ZSCAN5A: variants seen among roughly 807,000 people sequenced by gnomAD.
The protein encoded by ZSCAN5A is zinc finger and SCAN domain-containing protein 5A.
In ZSCAN5A, 12 loss-of-function variants were observed where a neutral mutation model predicts 23.7. The ratio of observed to expected loss-of-function variants is 0.51; its 90% CI spans 0.32 to 0.82. The LOEUF (loss-of-function observed/expected upper bound fraction) is 0.82, where lower values mean the gene tolerates loss of function less well. Ranked by LOEUF, ZSCAN5A falls within the 40% of genes least tolerant of loss-of-function variation. ZSCAN5A has a pLI of 0.03. For missense variants in ZSCAN5A, 597 were observed against 617.9 expected, an observed-to-expected ratio of 0.97 and a Z score of 0.36; for synonymous variants, 257 against 239.9, an observed-to-expected ratio of 1.07 and a Z score of -0.66.
At chr19:56,233,731 T>G (rs1262098686) in intron 2 of ZSCAN5A, among the ~76,000 whole-genome samples, 1 of 148,174 alleles carries the variant, frequency 6.7e-6, no homozygotes, top group Non-Finnish European at 1.5e-5. Context: ...TTTTTTTTTT[T>G]GCCATAAATA....
At chr19:56,290,603 A>G (rs2039446141) in intron 2 of ZSCAN5A, among the ~76,000 whole-genome samples, 1 of 152,180 alleles carries the variant, frequency 6.6e-6, no homozygotes. Context: ...TCATGCCTAT[A>G]ATCCCAGCAC....
At chr19:56,268,704 G>A (rs1453313313) in intron 2 of ZSCAN5A, among the ~76,000 whole-genome samples, 3 of 152,110 alleles carry the variant, frequency 2.0e-5, no homozygotes, top group Non-Finnish European at 2.9e-5. Flanking sequence ...CATTCTCGAT[G>A]TTGTTCAACC....
intron 2 of ZSCAN5A, among the ~76,000 whole-genome samples, chr19:56,268,807 G>A (rs1026669877): frequency 5.9e-5 from 9 of 151,874 alleles, no homozygotes; most frequent in African/African-American, 1.5e-4. Flanking sequence ...CCTAGTCCCC[G>A]ACAACCACTA....
chr19:56,293,898 A>G (rs2039686294), intron 2 of ZSCAN5A, among the ~76,000 whole-genome samples: 1 of 152,284 alleles, frequency 6.6e-6, no homozygotes, highest in East Asian at 1.9e-4. Context: ...CTGGAGGTTG[A>G]GAAACCCCCC....
rs376421447 is a variant in ZSCAN5A at position 56,306,127 on chromosome 19, G to A, written c.-128+7156C>T. On this transcript the variant is annotated intron_variant, in intron 2 of 5. Transcript: ENST00000683990. The stretch of plus-strand genomic sequence containing the variant: ...AAGGCTGTCAGTGAGAAAGAGACAC[G>A]TCCCAGTGACATGAAGTGTAGAGGC... Among the ~76,000 whole-genome samples the A allele has an allele frequency of 2.0e-5, 3 of 152,150 alleles. No individual in the cohort carries two copies. In the South Asian group the frequency reaches 6.2e-4, roughly 32 times the overall value.
chr19:56,312,194 T>C (rs2041081878), intron 2 of ZSCAN5A: 1 of 152,250 alleles, frequency 6.6e-6, no homozygotes, highest in African/African-American at 2.4e-5. Flanking sequence ...TCAATTTGAA[T>C]GCTAAAATTG....
chr19:56,310,840 A>G (rs889445186), intron 2 of ZSCAN5A, among the ~76,000 whole-genome samples: 7 of 152,150 alleles, frequency 4.6e-5, no homozygotes, highest in Non-Finnish European at 1.0e-4. Flanking sequence ...TTGGGTTCGA[A>G]TCCCAGCTCC....
intron 2 of ZSCAN5A, chr19:56,343,030 T>C: frequency 2.5e-6 from 2 of 815,446 alleles, no homozygotes; most frequent in Non-Finnish European, 4.4e-6. Context: ...CCAAGTCTTC[T>C]TTCCCCCAGA....
chr19:56,354,619 A>G (rs752502868), intron 2 of ZSCAN5A: 1 of 152,228 alleles, frequency 6.6e-6, no homozygotes, highest in Non-Finnish European at 1.5e-5. Context: ...GGGAGATCCT[A>G]GTTGGGTCCA....
chr19:56,349,071 T>C (rs2041651668), intron 2 of ZSCAN5A, among the ~76,000 whole-genome samples: 2 of 152,186 alleles, frequency 1.3e-5, no homozygotes, highest in African/African-American at 4.8e-5. Context: ...AGCTTTTCAC[T>C]TGGGAAAGGA....
intron 2 of ZSCAN5A, among the ~76,000 whole-genome samples, chr19:56,255,969 T>C (rs2036665620): frequency 6.6e-6 from 1 of 152,228 alleles, no homozygotes; most frequent in African/African-American, 2.4e-5. Flanking sequence ...GTGAATACAT[T>C]TGGAAATTGT....
At chr19:56,328,868 A>G (rs1423724948) in intron 2 of ZSCAN5A, among the ~76,000 whole-genome samples, 3 of 151,394 alleles carry the variant, frequency 2.0e-5, no homozygotes, top group African/African-American at 7.3e-5. Flanking sequence ...GGTGGCGGGC[A>G]TCTGTAGTCC....
chr19:56,268,168 G>A lies in ZSCAN5A; in HGVS notation c.-127-42995C>T, dbSNP rs546535942. Among the ~76,000 whole-genome samples the A allele has an allele frequency of 2.0e-4, 30 of 152,326 alleles. 1 individual carries two copies. In the South Asian group the frequency reaches 5.2e-3, roughly 26 times the overall value. ...GAGCCAGCCAGAGCCCAGGACATGGGTTGTCTATTCTAGGACCTAGTCAGT... is the reference window on the plus strand; with the variant it reads ...GAGCCAGCCAGAGCCCAGGACATGGATTGTCTATTCTAGGACCTAGTCAGT... On this transcript the variant is annotated intron_variant, in intron 2 of 5. Coordinates refer to ENST00000683990, the MANE Select transcript of ZSCAN5A (RefSeq NM_001322064.3).
At chr19:56,242,770 G>A (rs959855268) in intron 2 of ZSCAN5A, among the ~76,000 whole-genome samples, 10 of 133,802 alleles carry the variant, frequency 7.5e-5, no homozygotes, top group African/African-American at 2.7e-4. Flanking sequence ...TCAAAAAATC[G>A]TTCTTTCTTT....
chr19:56,251,367 T>C (rs2036329674), intron 2 of ZSCAN5A, among the ~76,000 whole-genome samples: 1 of 152,172 alleles, frequency 6.6e-6, no homozygotes, highest in Admixed American at 6.5e-5. Context: ...CTTTATCCAC[T>C]TTCTAGCGTA....
intron 2 of ZSCAN5A, among the ~76,000 whole-genome samples, chr19:56,251,811 C>T (rs1416518371): frequency 6.6e-6 from 1 of 152,214 alleles, no homozygotes; most frequent in Admixed American, 6.5e-5. Flanking sequence ...GATCTTCCTG[C>T]CTTGGCCTTC....
At chr19:56,290,297 C>T (rs370300934) in intron 2 of ZSCAN5A, among the ~76,000 whole-genome samples, 1 of 152,228 alleles carries the variant, frequency 6.6e-6, no homozygotes, top group East Asian at 1.9e-4. Context: ...TACTGACACA[C>T]AATCACACCC....
At chr19:56,325,134 T>C (rs2041420857) in intron 2 of ZSCAN5A, among the ~76,000 whole-genome samples, 1 of 152,242 alleles carries the variant, frequency 6.6e-6, no homozygotes, top group Non-Finnish European at 1.5e-5. Flanking sequence ...TAAATAGATG[T>C]ATATCTTTTC....
rs1600086420 is a variant in ZSCAN5A, at chr19:56,247,107, C to T, written c.-127-21934G>A. 1.3e-5 allele frequency: 9 copies of T among 700,172 alleles called. No homozygotes were observed. The East Asian group carries it at 1.7e-4, about 13-fold the overall frequency. The allele number at this position is 700,172 out of a possible 1,614,324, so 43.4% of individuals were successfully genotyped here. On this transcript the variant is annotated intron_variant, in intron 2 of 5. Transcript: ENST00000683990. ...GGTTTACGTGTAATTCCAAGCTAGC[C>T]ATCCACATGAGATCACACACAGGAG...
Sources: allele counts gnomAD v4.1 joint callset (sites outside exome capture counted in the v4.1 genomes callset), GRCh38; gene constraint gnomAD v4.1.1; transcripts MANE v1.5; gene names NCBI Gene and HGNC (gene_info 2026-07-23, HGNC 2026-07-21).